ATAD1: variants seen among roughly 807,000 people sequenced by gnomAD.
The protein encoded by ATAD1 is outer mitochondrial transmembrane helix translocase.
A neutral mutation model predicts 42.7 loss-of-function variants in ATAD1; 18 were observed. The ratio of observed to expected loss-of-function variants is 0.42; its 90% confidence interval spans 0.29 to 0.63. The LOEUF is 0.63. Among genes scored for constraint, ATAD1 ranks in the 20% least tolerant of loss-of-function variants. ATAD1 has a pLI of 0.19. For missense variants in ATAD1, 294 were observed against 440.4 expected (o/e 0.67, Z 2.98); for synonymous variants, 132 against 143.1 (o/e 0.92, Z 0.55).
At chr10:87,778,351 C>A (rs1855411293) in intron 5 of ATAD1, among the ~76,000 whole-genome samples, 1 of 151,272 alleles carries the variant, frequency 6.6e-6, no homozygotes, top group African/African-American at 2.4e-5. Flanking sequence ...TCGGAATGAT[C>A]AAAAAATAGA....
At chr10:87,786,426 C>T (rs779791951) in intron 4 of ATAD1, among the ~76,000 whole-genome samples, 4 of 152,144 alleles carry the variant, frequency 2.6e-5, no homozygotes, top group African/African-American at 9.7e-5. Context: ...TCTAGTAGAT[C>T]GGTTTTGTTA....
At chr10:87,756,544 G>A (rs566541250) in intron 9 of ATAD1, among the ~76,000 whole-genome samples, 29 of 152,222 alleles carry the variant, frequency 1.9e-4, no homozygotes, top group African/African-American at 5.5e-4. Context: ...AAATTTCCAC[G>A]GATCATCAGA....
chr10:87,793,157 A>C lies in ATAD1; in HGVS notation c.163-402T>G, dbSNP rs74775198. ...GAGTTAAGGAGGGCAAGAAATGTAT[A>C]AGTGAAGTTTCTTTAAACTGAGTAT... On this transcript the variant is annotated intron_variant, in intron 2 of 9. Coordinates refer to ENST00000680024, the MANE Select transcript of ATAD1 (RefSeq NM_001321967.2). 7.0e-3 allele frequency among the ~76,000 whole-genome samples: 1,066 copies of C among 152,314 alleles called. 17 individuals carry two copies. The highest frequency in any genetic ancestry group is 0.024 in the African/African-American group (1,002 of 41,564).
intron 4 of ATAD1, among the ~76,000 whole-genome samples, chr10:87,788,893 GA>G (rs1394383417): frequency 1.3e-5 from 2 of 152,088 alleles, no homozygotes; most frequent in Admixed American, 6.6e-5. Context: ...CGGCAGGGGG[GA>G]AATCACAATA....
intron 1 of ATAD1, 154 bp from the exon 2 acceptor site, chr10:87,814,766 A>G (rs1857340376): frequency 3.9e-6 from 2 of 507,520 alleles, no homozygotes; most frequent in Non-Finnish European, 6.1e-6. Context: ...TTAAGGAGAA[A>G]TGGATTTTTA....
At chr10:87,781,953 G>GC (rs948692365) in intron 5 of ATAD1, among the ~76,000 whole-genome samples, 51 of 148,056 alleles carry the variant, frequency 3.4e-4, no homozygotes, top group Admixed American at 3.0e-3. Context: ...CCTGAGAATT[G>GC]TTTTTTTTTT....
chr10:87,792,784 T>G (rs746583699), intron 2 of ATAD1, 29 bp from the exon 3 acceptor site: 1 of 1,538,020 alleles, frequency 6.5e-7, no homozygotes, highest in Admixed American at 1.7e-5. Flanking sequence ...ACAACCTGCT[T>G]TGATTTGATA....
chr10:87,811,034 T>C (rs924568017), intron 2 of ATAD1, among the ~76,000 whole-genome samples: 1 of 152,210 alleles, frequency 6.6e-6, no homozygotes, highest in Non-Finnish European at 1.5e-5. Flanking sequence ...AGCTCATGAA[T>C]GCCTTTAAGA....
chr10:87,834,939 C>T (rs923897042), intron 1 of ATAD1, among the ~76,000 whole-genome samples: 7 of 151,834 alleles, frequency 4.6e-5, no homozygotes, highest in Non-Finnish European at 1.0e-4. Flanking sequence ...TAGCTGAATC[C>T]TATTCCACAA....
intron 5 of ATAD1, among the ~76,000 whole-genome samples, chr10:87,783,827 A>G (rs1317587080): frequency 6.6e-6 from 1 of 151,954 alleles, no homozygotes; most frequent in African/African-American, 2.4e-5. Context: ...TTTTAAAAAG[A>G]GAACATTTAT....
At chr10:87,805,767 T>C (rs1378718514) in intron 2 of ATAD1, among the ~76,000 whole-genome samples, 2 of 151,360 alleles carry the variant, frequency 1.3e-5, no homozygotes, top group African/African-American at 4.9e-5. Context: ...CCACTAACCT[T>C]CTCCCTTTTT....
intron 8 of ATAD1, among the ~76,000 whole-genome samples, chr10:87,760,219 C>T (rs1286060778): frequency 1.3e-5 from 2 of 152,126 alleles, no homozygotes; most frequent in Non-Finnish European, 2.9e-5. Context: ...ACCGAAGTCT[C>T]ATGTTGAATT....
upstream of ATAD1, among the ~76,000 whole-genome samples, chr10:87,822,442 T>G (rs1857648947): frequency 6.6e-6 from 1 of 152,184 alleles, no homozygotes; most frequent in South Asian, 2.1e-4. Context: ...TGGAGTACTA[T>G]TCAGCCATTT....
rs148877109 is a variant in ATAD1 at position 87,759,847 on chromosome 10, T to G, written c.832-2925A>C. The G allele has an allele frequency of 3.6e-3, 1,579 of 434,758 alleles. 17 individuals are homozygous for G. In the Middle Eastern group the frequency reaches 0.037, roughly 10 times the overall value. 26.9% of individuals were successfully genotyped at this position (434,758 alleles called of 1,614,324 possible). ...AATGAGGATTAAATAAAACAATGTATAGCTCACCAAAATGCTTGGCACATA... is the reference window on the plus strand; with the variant it reads ...AATGAGGATTAAATAAAACAATGTAGAGCTCACCAAAATGCTTGGCACATA... On this transcript the variant is annotated intron_variant, in intron 8 of 9. Coordinates refer to ENST00000680024, the MANE Select transcript of ATAD1 (RefSeq NM_001321967.2).
intron 2 of ATAD1, among the ~76,000 whole-genome samples, chr10:87,795,706 G>A (rs1168105058): frequency 6.6e-6 from 1 of 151,772 alleles, no homozygotes; most frequent in Non-Finnish European, 1.5e-5. Flanking sequence ...ATTAAGAAGT[G>A]GAATAGGAAA....
chr10:87,836,566 C>T (rs185443819), intron 1 of ATAD1, among the ~76,000 whole-genome samples: 1 of 152,262 alleles, frequency 6.6e-6, no homozygotes, highest in African/African-American at 2.4e-5. Context: ...TGTTTTTCCC[C>T]TGTAAATAAT....
chr10:87,754,576 AAACACTGAGCTCCCTCAT>A lies in ATAD1; in HGVS notation c.*93_*110del, dbSNP rs1854136152. ...CTTAGAATTCAGAGTATAAAACCAT[AAACACTGAGCTCCCTCAT>A]TGTTTAAAGAGCACTCTTTCCGTTC... On this transcript the variant is annotated 3_prime_UTR_variant, in exon 10 of 10. Coordinates refer to ENST00000680024, the MANE Select transcript of ATAD1 (RefSeq NM_001321967.2). 7.8e-7 allele frequency: 1 copy of A among 1,284,952 alleles called. No homozygotes were observed. Among genetic ancestry groups the A allele is most frequent in the African/African-American group, 1.5e-5 (1 of 67,532 alleles). 79.6% of individuals were successfully genotyped at this position (1,284,952 alleles called of 1,614,324 possible).
chr10:87,839,314 A>G (rs1432018323), intron 1 of ATAD1, among the ~76,000 whole-genome samples: 1 of 152,170 alleles, frequency 6.6e-6, no homozygotes, highest in East Asian at 1.9e-4. Context: ...GTTTGGGCCA[A>G]TTATTTTTAT....
intron 2 of ATAD1, among the ~76,000 whole-genome samples, chr10:87,813,301 A>G (rs1483902185): frequency 6.6e-6 from 1 of 151,936 alleles, no homozygotes; most frequent in Admixed American, 6.6e-5. Context: ...CAGGTGGGAG[A>G]AAAAAACCCA....
Sources: gnomAD v4.1 joint callset for allele counts (sites outside exome capture counted in the v4.1 genomes callset) on GRCh38, gnomAD v4.1.1 for gene constraint, MANE v1.5 for transcripts, NCBI Gene and HGNC (gene_info 2026-07-23, HGNC 2026-07-21) for gene names.